CFAP61: variants seen among roughly 807,000 people sequenced by gnomAD.
CFAP61 encodes cilia and flagella associated protein 61, also known as cilia- and flagella-associated protein 61.
In CFAP61, 107 loss-of-function variants were observed where a neutral mutation model predicts 135.6. The ratio of observed to expected loss-of-function variants is 0.79; its 90% confidence interval spans 0.67 to 0.93. The LOEUF (loss-of-function observed/expected upper bound fraction) is 0.93. Among genes scored for constraint, CFAP61 ranks in the 40% least tolerant of loss-of-function variants. CFAP61 has a pLI of 0.00. For missense variants in CFAP61, 1,507 were observed against 1,556.2 expected (o/e 0.97, Z 0.53); for synonymous variants, 575 against 578.5 (o/e 0.99, Z 0.09).
chr20:20,111,739 C>T (rs1022464245), intron 8 of CFAP61, among the ~76,000 whole-genome samples: 3 of 151,942 alleles, frequency 2.0e-5, no homozygotes, highest in African/African-American at 4.8e-5. Flanking sequence ...GCATAATGTA[C>T]GAAATTGTTG....
chr20:20,145,504 A>T (rs1019555502), intron 9 of CFAP61, among the ~76,000 whole-genome samples: 2 of 152,232 alleles, frequency 1.3e-5, no homozygotes, highest in Non-Finnish European at 2.9e-5. Flanking sequence ...TTACAAGATG[A>T]CAGACTTAAA....
At chr20:20,323,271 A>G in intron 25 of CFAP61, 5 of 985,440 alleles carry the variant, frequency 5.1e-6, no homozygotes, top group Non-Finnish European at 6.0e-6. Context: ...CGATTTTTCT[A>G]AAAAAGGACA....
intron 15 of CFAP61, among the ~76,000 whole-genome samples, chr20:20,192,238 C>T (rs1410749688): frequency 6.6e-6 from 1 of 152,042 alleles, no homozygotes; most frequent in Non-Finnish European, 1.5e-5. Context: ...TTTTTGGGTT[C>T]TTCAAAAACG....
At chr20:20,333,579 T>G (rs1400509377) in intron 25 of CFAP61, among the ~76,000 whole-genome samples, 3 of 152,208 alleles carry the variant, frequency 2.0e-5, no homozygotes, top group Non-Finnish European at 4.4e-5. Flanking sequence ...TCCCACTCCT[T>G]AGAGATCAGA....
chr20:20,227,832 A>T (rs1256319913), intron 17 of CFAP61, among the ~76,000 whole-genome samples: 1 of 152,208 alleles, frequency 6.6e-6, no homozygotes, highest in Admixed American at 6.5e-5. Context: ...AACTAATATA[A>T]TTTGTCACTC....
chr20:20,212,580 A>G (rs1427038627), intron 17 of CFAP61, among the ~76,000 whole-genome samples: 1 of 152,020 alleles, frequency 6.6e-6, no homozygotes, highest in Non-Finnish European at 1.5e-5. Context: ...CCATGTTTCT[A>G]GGTGTCCTGC....
At chr20:20,339,321 A>G (rs2058351482) in intron 25 of CFAP61, among the ~76,000 whole-genome samples, 1 of 152,220 alleles carries the variant, frequency 6.6e-6, no homozygotes, top group African/African-American at 2.4e-5. Flanking sequence ...TGATAGCACC[A>G]TAGTACCTGG....
At chr20:20,089,583 C>G (rs1200685697) in intron 6 of CFAP61, among the ~76,000 whole-genome samples, 2 of 82,792 alleles carry the variant, frequency 2.4e-5, no homozygotes, top group Non-Finnish European at 5.4e-5. Flanking sequence ...GAAAGAGTAT[C>G]AGAGAAAAAA....
intron 6 of CFAP61, among the ~76,000 whole-genome samples, chr20:20,085,953 G>T (rs2046769175): frequency 6.6e-6 from 1 of 152,326 alleles, no homozygotes; most frequent in East Asian, 1.9e-4. Context: ...GAAGTGAGTT[G>T]TTCCTGGAAT....
At chr20:20,091,133 TC>T (rs1271301159) in intron 7 of CFAP61, among the ~76,000 whole-genome samples, 157 bp downstream of exon 7, 1 of 152,146 alleles carries the variant, frequency 6.6e-6, no homozygotes, top group Non-Finnish European at 1.5e-5. Context: ...CAGGCCAGCT[TC>T]CTCCCCTGGG....
At chr20:20,174,014 C>G (rs2054419799) in intron 13 of CFAP61, among the ~76,000 whole-genome samples, 1 of 152,188 alleles carries the variant, frequency 6.6e-6, no homozygotes. Context: ...TCTTTCCACA[C>G]TTGTCTGGGA....
rs1303666703 is a variant in CFAP61, at chr20:20,313,878, T to A, written c.3422+15492T>A. Among the ~76,000 whole-genome samples, 3 of 152,178 alleles carry A rather than the reference T, an allele frequency of 2.0e-5. No homozygotes were observed. In the East Asian group the frequency reaches 5.8e-4, roughly 29 times the overall value. ...GAAGGTCAAAGGGGAAATGGAGACC[T>A]GCAAAGACAGTGCCAAGGGGCACTC... On this transcript the variant is annotated intron_variant, in intron 25 of 26. Coordinates refer to ENST00000245957, the MANE Select transcript of CFAP61 (RefSeq NM_015585.4).
intron 8 of CFAP61, among the ~76,000 whole-genome samples, chr20:20,125,439 G>A (rs992328462): frequency 5.9e-5 from 9 of 151,658 alleles, no homozygotes; most frequent in African/African-American, 1.9e-4. Context: ...TCAGTTCAAA[G>A]AATTTTTAAA....
In CFAP61 at chr20:20,186,113, A is replaced by G. The variant is rs538571894; in HGVS notation, c.1386-1817A>G. ...ACAGCATTGTGCAGTTACCACGTCTATCTGGTTCTAAAACATTTGCATCAC... is the reference window on the plus strand; with the variant it reads ...ACAGCATTGTGCAGTTACCACGTCTGTCTGGTTCTAAAACATTTGCATCAC... On this transcript the variant is annotated intron_variant, in intron 13 of 26. Coordinates refer to ENST00000245957, the MANE Select transcript of CFAP61 (RefSeq NM_015585.4). 7.2e-5 allele frequency among the ~76,000 whole-genome samples: 11 copies of G among 152,306 alleles called. No individual in the cohort carries two copies. The South Asian group carries it at 2.1e-3, about 29-fold the overall frequency.
At position 20,150,267 on chromosome 20, in the gene CFAP61, C is replaced by T. The variant is rs147306203; in HGVS notation, c.951+7319C>T. ...TTCCTACCCACACCTGATAGTATTT[C>T]TCTACCCACCCCAGTAGCCAATCAC... is the stretch of plus-strand genomic sequence containing the variant. On this transcript the variant is annotated intron_variant, in intron 9 of 26. Coordinates refer to ENST00000245957, the MANE Select transcript of CFAP61 (RefSeq NM_015585.4). 4.3e-3 allele frequency among the ~76,000 whole-genome samples: 653 copies of T among 152,220 alleles called. 5 individuals carry two copies. Among genetic ancestry groups the T allele is most frequent in the African/African-American group, 0.015 (622 of 41,534 alleles).
chr20:20,320,872 G>A (rs1467435845), intron 25 of CFAP61, among the ~76,000 whole-genome samples: 1 of 151,600 alleles, frequency 6.6e-6, no homozygotes, highest in Non-Finnish European at 1.5e-5. Context: ...CAGCCAGGTG[G>A]GCCAAAGAGG....
At chr20:20,096,784 A>G (rs2047609223) in intron 7 of CFAP61, among the ~76,000 whole-genome samples, 1 of 152,262 alleles carries the variant, frequency 6.6e-6, no homozygotes, top group African/African-American at 2.4e-5. Flanking sequence ...GCCTTTGTTC[A>G]CGAGTGCAAA....
intron 9 of CFAP61, among the ~76,000 whole-genome samples, chr20:20,155,767 C>T (rs887647244): frequency 1.3e-5 from 2 of 151,950 alleles, no homozygotes; most frequent in Non-Finnish European, 2.9e-5. Context: ...AATAAAAAAA[C>T]AACAGATCTT....
intron 25 of CFAP61, among the ~76,000 whole-genome samples, chr20:20,328,245 C>T (rs1051973023): frequency 1.3e-5 from 2 of 152,134 alleles, no homozygotes; most frequent in Admixed American, 1.3e-4. Context: ...ATGTTTTAAA[C>T]ATTCCCCATA....
Sources: gnomAD v4.1 joint callset for allele counts (sites outside exome capture counted in the v4.1 genomes callset) on GRCh38, gnomAD v4.1.1 for gene constraint, MANE v1.5 for transcripts, NCBI Gene and HGNC (gene_info 2026-07-23, HGNC 2026-07-21) for gene names.